The following SYTL2 variants were observed in gnomAD, a reference collection of about 807,000 sequenced individuals.
SYTL2 encodes synaptotagmin-like protein 2.
In SYTL2, 165 loss-of-function variants were observed where a neutral mutation model predicts 198.7. That is an observed-to-expected ratio of 0.83 (90% CI 0.73 to 0.94). The LOEUF (loss-of-function observed/expected upper bound fraction) is 0.94, where lower values mean the gene tolerates loss of function less well. Among genes scored for constraint, SYTL2 ranks in the 40% least tolerant of loss-of-function variants. SYTL2 has a pLI of 0.00. For missense variants in SYTL2, 2,835 were observed against 2,582.8 expected, an observed-to-expected ratio of 1.10 and a Z score of -2.12; for synonymous variants, 966 against 917.7, an observed-to-expected ratio of 1.05 and a Z score of -0.95.
Position 85,726,807 on chromosome 11 carries a change from G to T in SYTL2, c.2551C>A (p.Gln851Lys). Residue 851 changes from glutamine to lysine, a missense_variant, in exon 8 of 20, where the codon CAG becomes AAG. Gln to Lys is a moderately conservative substitution (Grantham distance 53). This residue lies in a region of SYTL2 where 2,645 missense variants were observed against 2,381.7 expected (regional missense o/e 1.11). Coordinates refer to ENST00000359152, the MANE Select transcript of SYTL2 (RefSeq NM_206927.4). ...SLSTDQSEYN[Q>K]AIPKRVVLDE... ...AAGACCACTCGTTTGGGAATGGCCTGATTATATTCACTCTGGTCTGTAGAT... is the reference window on the plus strand; with the variant it reads ...AAGACCACTCGTTTGGGAATGGCCTTATTATATTCACTCTGGTCTGTAGAT... 6.5e-7 allele frequency: 1 copy of T among 1,536,280 alleles called. No homozygotes were observed. Among genetic ancestry groups the T allele is most frequent in the South Asian group, 1.2e-5 (1 of 84,060 alleles).
At chr11:85,733,581 G>GTTTTTTTTTTTTTTTTTTTTTTTT (rs67133901) in intron 7 of SYTL2, 1 of 119,564 alleles carries the variant, frequency 8.4e-6, no homozygotes, top group Non-Finnish European at 1.6e-5. Context: ...AGCCCACCAA[G>GTTTTTTTTTTTTTTTTTTTTTTTT]TTTTTTTTTT....
chr11:85,837,914 G>A, the SYTL2 span, among the ~76,000 whole-genome samples: 1 of 152,130 alleles, frequency 6.6e-6, no homozygotes, highest in Non-Finnish European at 1.5e-5. Context: ...ATTGTTGGGG[G>A]CATCCTGTAC....
chr11:85,785,339 C>G (rs1014423101), intron 1 of SYTL2, among the ~76,000 whole-genome samples: 1 of 152,160 alleles, frequency 6.6e-6, no homozygotes, highest in Non-Finnish European at 1.5e-5. Flanking sequence ...CACAGCTGGA[C>G]CCAGGACAGC....
At chr11:85,758,273 A>T (rs554380562) in intron 1 of SYTL2, among the ~76,000 whole-genome samples, 159 bp from the exon 2 acceptor site, 1 of 152,312 alleles carries the variant, frequency 6.6e-6, no homozygotes, top group East Asian at 1.9e-4. Flanking sequence ...TGGGTCATGA[A>T]ACATGCTTCA....
In SYTL2 at chr11:85,804,647, T is replaced by A. The variant is rs79675653; in HGVS notation, c.-390+6307A>T. Among the ~76,000 whole-genome samples the A allele has an allele frequency of 3.1e-3, 469 of 152,312 alleles. 3 individuals carry two copies. The highest frequency in any genetic ancestry group is 0.011 in the African/African-American group (451 of 41,566). On this transcript the variant is annotated intron_variant, in intron 1 of 19. Transcript: ENST00000359152. ...GTAAGTGCTCAATAAATGTCAGACA[T>A]CTTCATCATTCACTTGCTTCAGACT...
intron 1 of SYTL2, among the ~76,000 whole-genome samples, chr11:85,798,653 G>A (rs376748358): frequency 1.3e-5 from 2 of 152,194 alleles, no homozygotes; most frequent in African/African-American, 4.8e-5. Flanking sequence ...AAAGGTGCGT[G>A]GGGTGAAGTC....
intron 10 of SYTL2, 39 bp downstream of exon 10, chr11:85,718,751 A>T: frequency 6.3e-7 from 1 of 1,597,068 alleles, no homozygotes; most frequent in Non-Finnish European, 8.6e-7. Flanking sequence ...CCCAGAAGTT[A>T]ATACAAAGAC....
intron 2 of SYTL2, among the ~76,000 whole-genome samples, chr11:85,755,101 C>T (rs555298414): frequency 4.6e-4 from 70 of 152,254 alleles, no homozygotes; most frequent in African/African-American, 1.7e-3. Context: ...ATGGAAAAGG[C>T]GCTGACAAAC....
chr11:85,854,092 C>T, the SYTL2 span: 1 of 152,160 alleles, frequency 6.6e-6, no homozygotes, highest in East Asian at 1.9e-4. Context: ...CCACCTCGGC[C>T]TCCCAAACTG....
chr11:85,770,911 T>G (rs367875978), intron 1 of SYTL2, among the ~76,000 whole-genome samples: 1 of 152,228 alleles, frequency 6.6e-6, no homozygotes, highest in Non-Finnish European at 1.5e-5. Flanking sequence ...TAGACCCGAA[T>G]ATAATGTGGC....
the SYTL2 span, among the ~76,000 whole-genome samples, chr11:85,816,749 A>G: frequency 5.9e-5 from 9 of 152,190 alleles, no homozygotes; most frequent in South Asian, 2.1e-4. Flanking sequence ...TTCTCTACAA[A>G]AAATAAAAAT....
intron 1 of SYTL2, among the ~76,000 whole-genome samples, chr11:85,765,250 T>C (rs1263925522): frequency 6.6e-6 from 1 of 152,226 alleles, no homozygotes; most frequent in Non-Finnish European, 1.5e-5. Flanking sequence ...GTTGCCTTTT[T>C]TTTTGAGACA....
intron 1 of SYTL2, among the ~76,000 whole-genome samples, chr11:85,787,430 C>A (rs1490826340): frequency 6.6e-6 from 1 of 152,092 alleles, no homozygotes; most frequent in Non-Finnish European, 1.5e-5. Context: ...AAATAAGTAA[C>A]CAGTGTTGTA....
intron 2 of SYTL2, 94 bp downstream of exon 2, chr11:85,757,531 A>T (rs1233790625): frequency 7.4e-7 from 1 of 1,358,680 alleles, no homozygotes; most frequent in Non-Finnish European, 1.0e-6. Context: ...TCGAGTCAGA[A>T]CTACCACTTA....
chr11:85,782,749 C>G (rs762183857), intron 1 of SYTL2, among the ~76,000 whole-genome samples: 3 of 152,216 alleles, frequency 2.0e-5, no homozygotes, highest in Non-Finnish European at 4.4e-5. Context: ...AAAGTTTCAT[C>G]TCTCTCTAGT....
chr11:85,809,843 C>G (rs2093007119), intron 1 of SYTL2, among the ~76,000 whole-genome samples: 1 of 152,222 alleles, frequency 6.6e-6, no homozygotes. Flanking sequence ...GGATACCACA[C>G]TAAGGGTGAG....
chr11:85,725,523 T>C lies in SYTL2; in HGVS notation c.3835A>G (p.Asn1279Asp), dbSNP rs1383241717. The C allele has an allele frequency of 2.5e-6, 4 of 1,614,094 alleles. No individual in the cohort carries two copies. The South Asian group carries it at 4.4e-5, about 18-fold the overall frequency. Residue 1279 changes from asparagine to aspartate, a missense_variant, in exon 8 of 20, where the codon AAT (asparagine) becomes GAT (aspartate). Coordinates refer to ENST00000359152, the MANE Select transcript of SYTL2 (RefSeq NM_206927.4). ...TCAGCTTTCTTGAGGAGAGCTGTAT[T>C]TCCAAAAGTTTCATCTCTCACTGGA... Reference protein sequence around the residue: ...PFPVRDETFGNTALLKKAESG... With the variant: ...PFPVRDETFGDTALLKKAESG...
At chr11:85,778,598 C>T (rs536693770) in intron 1 of SYTL2, among the ~76,000 whole-genome samples, 2 of 152,354 alleles carry the variant, frequency 1.3e-5, no homozygotes, top group African/African-American at 4.8e-5. Flanking sequence ...CCACTGAAGT[C>T]TTGAAGACTT....
intron 1 of SYTL2, among the ~76,000 whole-genome samples, chr11:85,795,323 T>TA (rs140391051): frequency 0.058 from 8,766 of 151,490 alleles, 801 homozygotes; most frequent in African/African-American, 0.2. Context: ...CCATCAGATC[T>TA]AAAAAAAAAC....
Sources: allele counts gnomAD v4.1 joint callset (sites outside exome capture counted in the v4.1 genomes callset), GRCh38; gene constraint gnomAD v4.1.1; regional missense constraint gnomAD v4.1.1; transcripts MANE v1.5; gene names NCBI Gene and HGNC (gene_info 2026-07-23, HGNC 2026-07-21).